Variants in SH2D4B observed in about 807,000 individuals in gnomAD.
The protein encoded by SH2D4B is SH2 domain containing 4B, also known as SH2 domain-containing protein 4B.
A neutral mutation model predicts 61.5 loss-of-function variants in SH2D4B; 45 were observed. That is an observed-to-expected ratio of 0.73 (90% CI 0.58 to 0.94). The LOEUF is 0.94. Ranked by LOEUF, SH2D4B falls within the 40% of genes least tolerant of loss-of-function variation. The probability of loss-of-function intolerance (pLI) is 0.00; values close to 1 mark genes in which losing one functional copy is unlikely to be tolerated. For synonymous variants in SH2D4B, 224 were observed against 220.4 expected (o/e 1.02, Z -0.14); for missense variants, 572 against 574.2 (o/e 1.00, Z 0.04).
intron 1 of SH2D4B, among the ~76,000 whole-genome samples, chr10:80,541,958 G>A (rs1479666233): frequency 6.6e-6 from 1 of 152,130 alleles, no homozygotes; most frequent in Admixed American, 6.6e-5. Context: ...TTCACTTTAC[G>A]CTTTGGCAAG....
chr10:80,583,913 C>T (rs567829258), intron 3 of SH2D4B, among the ~76,000 whole-genome samples: 5 of 152,296 alleles, frequency 3.3e-5, no homozygotes, highest in African/African-American at 1.2e-4. Flanking sequence ...CACCAAGGCA[C>T]ATCATATTAA....
chr10:80,629,400 T>C (rs1356507866), intron 6 of SH2D4B, among the ~76,000 whole-genome samples: 1 of 152,182 alleles, frequency 6.6e-6, no homozygotes, highest in Non-Finnish European at 1.5e-5. Flanking sequence ...CAGATGATAA[T>C]TCAACATGAG....
intron 6 of SH2D4B, among the ~76,000 whole-genome samples, chr10:80,616,660 C>T (rs1303062567): frequency 6.6e-6 from 1 of 152,204 alleles, no homozygotes; most frequent in Admixed American, 6.5e-5. Context: ...CAGAGGACAT[C>T]TGACTTTTTA....
intron 7 of SH2D4B, chr10:80,642,937 C>T (rs1840331489): frequency 1.3e-5 from 2 of 152,668 alleles, no homozygotes; most frequent in Admixed American, 6.5e-5. Flanking sequence ...GCCTATCAAT[C>T]ATTTCATTTT....
chr10:80,587,409 A>C (rs116865673), intron 3 of SH2D4B, among the ~76,000 whole-genome samples: 4,977 of 152,084 alleles, frequency 0.033, 91 homozygotes, highest in Middle Eastern at 0.061. Context: ...CCTGCCTAGC[A>C]GCTGGGATTA....
intron 6 of SH2D4B, among the ~76,000 whole-genome samples, chr10:80,625,349 A>AAG (rs2132155431): frequency 6.6e-6 from 1 of 152,298 alleles, no homozygotes; most frequent in South Asian, 2.1e-4. Context: ...ACCCCTGTGG[A>AAG]TACCAAGATA....
chr10:80,578,406 C>T (rs1443791492), intron 3 of SH2D4B, among the ~76,000 whole-genome samples: 2 of 150,306 alleles, frequency 1.3e-5, no homozygotes, highest in Non-Finnish European at 2.9e-5. Flanking sequence ...CTCTCAAAAG[C>T]TTACAGGGTG....
At chr10:80,623,478 T>C (rs1842739400) in intron 6 of SH2D4B, among the ~76,000 whole-genome samples, 1 of 152,200 alleles carries the variant, frequency 6.6e-6, no homozygotes, top group Non-Finnish European at 1.5e-5. Flanking sequence ...GTTAATACCA[T>C]TATGTTGGTG....
intron 1 of SH2D4B, among the ~76,000 whole-genome samples, chr10:80,557,316 G>A (rs1564767764): frequency 6.6e-6 from 1 of 152,022 alleles, no homozygotes; most frequent in Non-Finnish European, 1.5e-5. Flanking sequence ...TAAAAAATCT[G>A]TGTGATAGAT....
chr10:80,547,143 G>A (rs1183447016), intron 1 of SH2D4B, among the ~76,000 whole-genome samples: 1 of 152,120 alleles, frequency 6.6e-6, no homozygotes, highest in Non-Finnish European at 1.5e-5. Context: ...CCCTCTGAGG[G>A]GCAGTGATAA....
At chr10:80,574,485 T>C (rs1842100551) in intron 3 of SH2D4B, among the ~76,000 whole-genome samples, 1 of 152,186 alleles carries the variant, frequency 6.6e-6, no homozygotes. Flanking sequence ...GTTGTTGCTA[T>C]TGTGAATAAG....
intron 7 of SH2D4B, among the ~76,000 whole-genome samples, chr10:80,635,745 A>C (rs1842891525): frequency 6.6e-6 from 1 of 152,124 alleles, no homozygotes; most frequent in Admixed American, 6.5e-5. Flanking sequence ...CCATGCTCTT[A>C]TTTAATCTTA....
At chr10:80,627,068 A>G (rs1386616093) in intron 6 of SH2D4B, among the ~76,000 whole-genome samples, 1 of 152,156 alleles carries the variant, frequency 6.6e-6, no homozygotes, top group Non-Finnish European at 1.5e-5. Flanking sequence ...GCTGTGACAT[A>G]AGCGTCTCAC....
At chr10:80,605,756 T>C (rs534823460) in intron 5 of SH2D4B, among the ~76,000 whole-genome samples, 2 of 152,324 alleles carry the variant, frequency 1.3e-5, no homozygotes, top group East Asian at 3.9e-4. Context: ...TGACCTCAGG[T>C]GATCCACCTG....
intron 7 of SH2D4B, among the ~76,000 whole-genome samples, chr10:80,637,050 T>G (rs1471321421): frequency 6.6e-6 from 1 of 152,248 alleles, no homozygotes; most frequent in Non-Finnish European, 1.5e-5. Flanking sequence ...TAGGGAATCT[T>G]TTCCCCATTT....
intron 3 of SH2D4B, among the ~76,000 whole-genome samples, chr10:80,577,725 C>CT (rs548024101): frequency 0.025 from 3,659 of 146,878 alleles, 112 homozygotes; most frequent in African/African-American, 0.08. Flanking sequence ...AGCGCCCGGC[C>CT]TTTTTTTTTT....
intron 1 of SH2D4B, chr10:80,540,899 G>A (rs1841569503): frequency 1.4e-5 from 22 of 1,551,660 alleles, no homozygotes; most frequent in Non-Finnish European, 1.7e-5. Context: ...TTCCCTTGAT[G>A]TTGCCAGAGG....
intron 6 of SH2D4B, among the ~76,000 whole-genome samples, chr10:80,628,250 A>G (rs766104424): frequency 6.6e-6 from 1 of 151,774 alleles, no homozygotes; most frequent in Non-Finnish European, 1.5e-5. Context: ...CGTGTTCGGG[A>G]GGGACCCAGT....
At chr10:80,621,112 C>G (rs1045416831) in intron 6 of SH2D4B, among the ~76,000 whole-genome samples, 1 of 152,214 alleles carries the variant, frequency 6.6e-6, no homozygotes, top group East Asian at 1.9e-4. Context: ...GATTAATGGT[C>G]TATGTCCATG....
Sources: gnomAD v4.1 joint callset for allele counts (sites outside exome capture counted in the v4.1 genomes callset) on GRCh38, gnomAD v4.1.1 for gene constraint, MANE v1.5 for transcripts, NCBI Gene and HGNC (gene_info 2026-07-23, HGNC 2026-07-21) for gene names.